TRPM3: variants seen among roughly 807,000 people sequenced by gnomAD.
TRPM3 encodes transient receptor potential cation channel subfamily M member 3.
TRPM3 carries 77 observed loss-of-function variants against 181.2 expected under a neutral mutation model. That is an observed-to-expected ratio of 0.42 (90% CI 0.35 to 0.51). The LOEUF (loss-of-function observed/expected upper bound fraction) is 0.51. TRPM3 is among the 20% of genes least tolerant of loss of function. TRPM3 has a pLI of 0.01. For missense variants in TRPM3, 1,759 were observed against 2,196.7 expected (o/e 0.80, Z 3.98); for synonymous variants, 745 against 796.4 (o/e 0.94, Z 1.09).
At chr9:70,816,096 G>A (rs112186574) in intron 6 of TRPM3, among the ~76,000 whole-genome samples, 3,047 of 152,280 alleles carry the variant, frequency 0.02, 51 homozygotes, top group South Asian at 0.045. Context: ...ATTGAATAAT[G>A]CAAACTAGAA....
chr9:70,619,011 C>T lies in TRPM3; in HGVS notation c.2214G>A (p.Glu738=). The T allele has an allele frequency of 6.2e-7, 1 of 1,614,230 alleles. No homozygotes were observed. Among genetic ancestry groups the T allele is most frequent in the Non-Finnish European group, 8.5e-7 (1 of 1,180,042 alleles). ...ACGTGGCGTTGCTCCAGTTCTTCAGCTCATACGTCAGCAGTTTCATGGCCA... is the reference window on the plus strand; with the variant it reads ...ACGTGGCGTTGCTCCAGTTCTTCAGTTCATACGTCAGCAGTTTCATGGCCA... The part of the protein sequence containing the change: ...EQLAMKLLTY[E]LKNWSNATCL... Residue 738 remains glutamate, a synonymous_variant, in exon 17 of 26, where the codon GAG becomes GAA. Coordinates refer to ENST00000677713, the MANE Select transcript of TRPM3 (RefSeq NM_001366145.2).
At chr9:71,173,109 CT>C (rs2076944863) in intron 1 of TRPM3, among the ~76,000 whole-genome samples, 1 of 152,124 alleles carries the variant, frequency 6.6e-6, no homozygotes. Context: ...CCTTATGTAC[CT>C]AATTTTTTGT....
chr9:70,537,213 G>C lies in TRPM3; in HGVS notation c.3900C>G (p.Asp1300Glu). Residue 1300 changes from aspartate (D) to glutamate (E), a missense_variant, in exon 26 of 26, where the codon GAC becomes GAG. Around this residue, in one of 8 missense-constraint regions of TRPM3, gnomAD observed 612 missense variants for 590.0 expected, o/e 1.04. Transcript: ENST00000677713. ...SNKIRSRTSS[D>E]CTDAAYIVRQ... is the part of the protein sequence containing the mutation. ...GGACAATGTAGGCGGCGTCCGTGCA[G>C]TCTGACGAGGTCCTCGAGCGGATTT... The C allele has an allele frequency of 6.3e-7, 1 of 1,597,524 alleles. No homozygotes were observed. Among genetic ancestry groups the C allele is most frequent in the Non-Finnish European group, 8.6e-7 (1 of 1,168,018 alleles).
At chr9:70,960,902 T>G (rs142146446) in intron 1 of TRPM3, among the ~76,000 whole-genome samples, 1 of 152,158 alleles carries the variant, frequency 6.6e-6, no homozygotes, top group Non-Finnish European at 1.5e-5. Flanking sequence ...CTGTGTAGGA[T>G]CAACTTCAAA....
At chr9:71,356,897 C>T (rs2091919829) in intron 1 of TRPM3, among the ~76,000 whole-genome samples, 1 of 152,100 alleles carries the variant, frequency 6.6e-6, no homozygotes, top group Non-Finnish European at 1.5e-5. Flanking sequence ...TTCCCCAAGG[C>T]CCTTATTGCA....
At chr9:70,764,585 T>C (rs1012912059) in intron 7 of TRPM3, among the ~76,000 whole-genome samples, 3 of 152,150 alleles carry the variant, frequency 2.0e-5, no homozygotes, top group Non-Finnish European at 4.4e-5. Context: ...GTAAGAATCT[T>C]ATCCTTTGAG....
chr9:71,131,788 C>A (rs566412285), intron 1 of TRPM3, among the ~76,000 whole-genome samples: 11 of 152,226 alleles, frequency 7.2e-5, no homozygotes, highest in African/African-American at 2.2e-4. Flanking sequence ...AGAACAACAT[C>A]TACATACAGA....
chr9:70,638,976 G>A, intron 11 of TRPM3, 84 bp downstream of exon 11: 2 of 1,467,764 alleles, frequency 1.4e-6, no homozygotes, highest in Non-Finnish European at 1.9e-6. Flanking sequence ...GAGAAGGGAA[G>A]AGAATCACAG....
intron 1 of TRPM3, among the ~76,000 whole-genome samples, chr9:71,423,295 G>GT (rs928841989): frequency 6.6e-6 from 1 of 152,000 alleles, no homozygotes; most frequent in Non-Finnish European, 1.5e-5. Context: ...TTAAATAATT[G>GT]TTTTTTAAAG....
chr9:71,316,877 C>A (rs17533930), intron 1 of TRPM3, among the ~76,000 whole-genome samples: 16,728 of 152,132 alleles, frequency 0.11, 1,239 homozygotes, highest in Middle Eastern at 0.3. Context: ...GAAAAAAAAT[C>A]CTGTGGGCCA....
At chr9:71,070,757 T>C (rs1293371223) in intron 1 of TRPM3, among the ~76,000 whole-genome samples, 2 of 152,236 alleles carry the variant, frequency 1.3e-5, no homozygotes, top group Non-Finnish European at 2.9e-5. Context: ...ACATAAATCT[T>C]TGTCTCTGTA....
intron 1 of TRPM3, among the ~76,000 whole-genome samples, chr9:71,317,831 T>C (rs2132445451): frequency 6.6e-6 from 1 of 152,284 alleles, no homozygotes; most frequent in South Asian, 2.1e-4. Flanking sequence ...CGAATTTATC[T>C]AAATAAGCAT....
chr9:71,196,711 C>G (rs1467365000), intron 1 of TRPM3, among the ~76,000 whole-genome samples: 1 of 151,900 alleles, frequency 6.6e-6, no homozygotes, highest in African/African-American at 2.4e-5. Flanking sequence ...CTTTTTCTTT[C>G]CTTTAAATGT....
intron 1 of TRPM3, among the ~76,000 whole-genome samples, chr9:71,317,646 A>C (rs956373208): frequency 2.6e-4 from 38 of 146,194 alleles, no homozygotes; most frequent in African/African-American, 9.2e-4. Context: ...CTCTCAAAAA[A>C]AAAAAAAAGA....
intron 7 of TRPM3, among the ~76,000 whole-genome samples, chr9:70,780,906 C>T (rs534297205): frequency 5.3e-5 from 8 of 152,232 alleles, no homozygotes; most frequent in African/African-American, 1.9e-4. Context: ...TAGTTATGTG[C>T]ATAAACTCAT....
intron 1 of TRPM3, among the ~76,000 whole-genome samples, chr9:71,032,002 TATATA>T (rs1375031917): frequency 0.54 from 275 of 506 alleles, 68 homozygotes; most frequent in East Asian, 0.76. Context: ...TATATATAAT[TATATA>T]ATATATAATA....
chr9:71,361,884 A>T (rs903556227), intron 1 of TRPM3, among the ~76,000 whole-genome samples: 29 of 152,230 alleles, frequency 1.9e-4, no homozygotes, highest in African/African-American at 7.0e-4. Context: ...TTTGAAATGA[A>T]ATCTTGCTTT....
At chr9:70,783,728 T>C in intron 7 of TRPM3, 2 of 523,142 alleles carry the variant, frequency 3.8e-6, no homozygotes, top group South Asian at 1.6e-4. Context: ...TTCTCTGAAG[T>C]TACCAACCTG....
At chr9:71,110,303 G>A (rs1385665510) in intron 1 of TRPM3, among the ~76,000 whole-genome samples, 1 of 152,182 alleles carries the variant, frequency 6.6e-6, no homozygotes, top group East Asian at 1.9e-4. Flanking sequence ...CTTGTGTACA[G>A]CTGTTAAGCT....
Sources: allele counts gnomAD v4.1 joint callset (sites outside exome capture counted in the v4.1 genomes callset), GRCh38; gene constraint gnomAD v4.1.1; regional missense constraint gnomAD v4.1.1; transcripts MANE v1.5; gene names NCBI Gene and HGNC (gene_info 2026-07-23, HGNC 2026-07-21).